The following TF variants were observed in gnomAD, a reference collection of about 807,000 sequenced individuals.
TF encodes the protein transferrin.
TF carries 55 observed loss-of-function variants against 82.4 expected under a neutral mutation model. That is an observed-to-expected ratio of 0.67 (90% CI 0.54 to 0.84). The LOEUF is 0.84. Among genes scored for constraint, TF ranks in the 40% least tolerant of loss-of-function variants. The probability of loss-of-function intolerance (pLI) is 0.00; values close to 1 mark genes in which losing one functional copy is unlikely to be tolerated. For synonymous variants in TF, 332 were observed against 332.6 expected (o/e 1.00, Z 0.02); for missense variants, 737 against 868.4 (o/e 0.85, Z 1.90).
chr3:133,698,655 C>T, the TF span, among the ~76,000 whole-genome samples: 1 of 152,184 alleles, frequency 6.6e-6, no homozygotes, highest in Non-Finnish European at 1.5e-5. Flanking sequence ...GGACACCAGT[C>T]TTTTTGGATT....
the TF span, among the ~76,000 whole-genome samples, chr3:133,735,915 A>G: frequency 1.3e-5 from 2 of 152,362 alleles, no homozygotes; most frequent in South Asian, 2.1e-4. Context: ...TCCCCAACCT[A>G]GCAAGACAGG....
rs1284007859 is a variant in TF, at chr3:133,788,554, C to T, written c.*9934C>T. ...GAACCTGGACACCCTCCACTGGTAA[C>T]ATATTTTGGCAAGGCAGCCAGGAGG... is the stretch of plus-strand genomic sequence containing the variant. On this transcript the variant is annotated 3_prime_UTR_variant, in exon 17 of 17. Coordinates refer to ENST00000402696, the MANE Select transcript of TF (RefSeq NM_001063.4). 2 of 152,240 alleles carry T rather than the reference C, an allele frequency of 1.3e-5. No homozygotes were observed. Among genetic ancestry groups the T allele is most frequent in the African/African-American group, 4.8e-5 (2 of 41,462 alleles). The allele number at this position is 152,240 out of a possible 1,614,324, so 9.4% of individuals were successfully genotyped here.
Position 133,755,421 on chromosome 3 carries a change from C to T in TF, c.561C>T (p.Pro187=). 1.2e-6 allele frequency: 2 copies of T among 1,614,228 alleles called. No individual in the cohort carries two copies. The highest frequency in any genetic ancestry group is 1.7e-6 in the Non-Finnish European group (2 of 1,180,042). The change falls in exon 5 of 17, where the codon CCC becomes CCT. Residue 187 remains proline (P), a synonymous_variant. Transcript: ENST00000402696. ...CAPCADGTDF[P]QLCQLCPGCG... ...CTTGTGCGGATGGGACGGACTTCCC[C>T]CAGCTGTGTCAACTGTGTCCAGGGT...
the TF span, among the ~76,000 whole-genome samples, chr3:133,727,110 G>A: frequency 2.1e-4 from 32 of 152,260 alleles, no homozygotes; most frequent in Admixed American, 5.2e-4. Flanking sequence ...GTGGTGTGGT[G>A]CTGAAAAAAA....
At chr3:133,759,459 T>A in intron 9 of TF, 130 bp downstream of exon 9, 1 of 1,123,498 alleles carries the variant, frequency 8.9e-7, no homozygotes, top group Non-Finnish European at 1.3e-6. Context: ...CCTGACTATG[T>A]GAGCACAGCC....
chr3:133,738,228 T>C, the TF span, among the ~76,000 whole-genome samples: 2 of 152,326 alleles, frequency 1.3e-5, no homozygotes, highest in East Asian at 1.9e-4. Flanking sequence ...ATTATCTCAA[T>C]AGATGCAGGA....
the TF span, among the ~76,000 whole-genome samples, chr3:133,684,059 T>C: frequency 1.3e-5 from 2 of 152,280 alleles, no homozygotes; most frequent in South Asian, 2.1e-4. Flanking sequence ...CACTCAAAAC[T>C]GCTCAACTAC....
the TF span, among the ~76,000 whole-genome samples, chr3:133,713,249 C>T: frequency 6.6e-6 from 1 of 152,188 alleles, no homozygotes; most frequent in South Asian, 2.1e-4. Flanking sequence ...TATTGAGCAC[C>T]TAATAGGTAT....
intron 14 of TF, 165 bp downstream of exon 14, chr3:133,770,737 G>A (rs758747396): frequency 2.3e-6 from 2 of 867,988 alleles, no homozygotes; most frequent in Non-Finnish European, 3.7e-6. Context: ...TCACCTGAGT[G>A]CGCAGAATGA....
chr3:133,718,350 C>T, the TF span, among the ~76,000 whole-genome samples: 4 of 152,036 alleles, frequency 2.6e-5, no homozygotes, highest in Non-Finnish European at 5.9e-5. Flanking sequence ...GACATGTTTG[C>T]TGGGAGGGAG....
the TF span, among the ~76,000 whole-genome samples, chr3:133,680,047 C>T: frequency 5.9e-5 from 9 of 152,216 alleles, no homozygotes; most frequent in South Asian, 1.7e-3. Flanking sequence ...TTACATTTCT[C>T]TGGGGACTCA....
the TF span, among the ~76,000 whole-genome samples, chr3:133,666,940 G>T: frequency 6.6e-6 from 1 of 152,144 alleles, no homozygotes; most frequent in Non-Finnish European, 1.5e-5. Context: ...GGAGGCTGAG[G>T]CAGGACAATG....
the TF span, among the ~76,000 whole-genome samples, chr3:133,697,367 C>A: frequency 4.6e-5 from 7 of 152,304 alleles, no homozygotes; most frequent in South Asian, 1.5e-3. Context: ...TTAGTGGGGT[C>A]ATCTATGGGT....
the TF span, among the ~76,000 whole-genome samples, chr3:133,697,510 G>A: frequency 2.6e-5 from 4 of 152,176 alleles, no homozygotes; most frequent in African/African-American, 9.7e-5. Flanking sequence ...ACGACAGATT[G>A]TCCCAGACCA....
In TF at chr3:133,768,726, A is replaced by G. The variant is rs187962655; in HGVS notation, c.1622+562A>G. Among the ~76,000 whole-genome samples, 56 of 151,872 alleles carry G rather than the reference A, an allele frequency of 3.7e-4. 1 individual carries two copies. The highest frequency in any genetic ancestry group is 1.0e-3 in the African/African-American group (43 of 41,384). ...CATGATTCCTAAATTCCTAACTACA[A>G]TTGTACTTTATGGAGTGCCTATCAT... On this transcript the variant is annotated intron_variant, in intron 13 of 16. Transcript: ENST00000402696.
chr3:133,733,067 T>TGCAGGCA, the TF span, among the ~76,000 whole-genome samples: 1 of 152,248 alleles, frequency 6.6e-6, no homozygotes, highest in Non-Finnish European at 1.5e-5. Flanking sequence ...GTTCCTGCCT[T>TGCAGGCA]GCAGTGTGAA....
chr3:133,745,833 C>A, upstream of TF: 1 of 156,712 alleles, frequency 6.4e-6, no homozygotes, highest in Non-Finnish European at 1.4e-5. Flanking sequence ...AGCAGCTCCT[C>A]CGTGGGGGAC....
intron 6 of TF, among the ~76,000 whole-genome samples, 172 bp from the exon 7 acceptor site, chr3:133,756,659 C>A (rs1375590742): frequency 2.0e-5 from 3 of 152,172 alleles, no homozygotes; most frequent in Non-Finnish European, 4.4e-5. Flanking sequence ...CATCAGAAGC[C>A]TTTACCTGGC....
chr3:133,754,785 G>A lies in TF; in HGVS notation c.502+114G>A, dbSNP rs1010547232. ...ACATGTGGGATGAACTCAGGTGGGG[G>A]AAAGAGGTTAACAGACTTTAAACTG... On this transcript the variant is annotated intron_variant, in intron 4 of 16. Coordinates refer to ENST00000402696, the MANE Select transcript of TF (RefSeq NM_001063.4). The A allele has an allele frequency of 1.7e-5, 20 of 1,208,204 alleles. No homozygotes were observed. The Admixed American group carries it at 3.4e-4, about 20-fold the overall frequency. The allele number at this position is 1,208,204 out of a possible 1,614,324, so 74.8% of individuals were successfully genotyped here.
Sources: allele counts gnomAD v4.1 joint callset (sites outside exome capture counted in the v4.1 genomes callset), GRCh38; gene constraint gnomAD v4.1.1; transcripts MANE v1.5; gene names NCBI Gene and HGNC (gene_info 2026-07-23, HGNC 2026-07-21).